ASIC2: variants seen among roughly 807,000 people sequenced by gnomAD.
The protein encoded by ASIC2 is acid sensing ion channel subunit 2, also known as acid-sensing ion channel 2.
Under a neutral mutation model 57.3 loss-of-function variants are expected in ASIC2, and 25 were observed. The observed-to-expected ratio is 0.44, with a 90% CI of 0.32 to 0.61. The LOEUF (loss-of-function observed/expected upper bound fraction) is 0.61, where lower values mean the gene tolerates loss of function less well. ASIC2 is among the 20% of genes least tolerant of loss of function. The probability of loss-of-function intolerance (pLI) is 0.06; values close to 1 mark genes in which losing one functional copy is unlikely to be tolerated. For missense variants in ASIC2, 641 were observed against 738.1 expected (o/e 0.87, Z 1.52); for synonymous variants, 319 against 307.5 (o/e 1.04, Z -0.39).
At chr17:33,146,417 G>A (rs567061908) in intron 1 of ASIC2, among the ~76,000 whole-genome samples, 9 of 152,276 alleles carry the variant, frequency 5.9e-5, no homozygotes, top group African/African-American at 2.2e-4. Flanking sequence ...AGTGGGGTTT[G>A]AAGCCCACTT....
In ASIC2 at chr17:33,467,704, T is replaced by C. The variant is rs150048318; in HGVS notation, c.556-355637A>G. 3.5e-4 allele frequency among the ~76,000 whole-genome samples: 53 copies of C among 152,346 alleles called. No individual in the cohort carries two copies. In the East Asian group the frequency reaches 8.7e-3, roughly 25 times the overall value. On this transcript the variant is annotated intron_variant, in intron 1 of 9. Coordinates refer to the ASIC2 transcript ENST00000359872. ...TCTAAGTCTTTAGAGAATAACTTAA[T>C]TATCTCAATCAATTGCCAATCAGAA... is the stretch of plus-strand genomic sequence containing the variant.
chr17:34,076,593 T>C, intron 1 of ASIC2, among the ~76,000 whole-genome samples: 1 of 152,152 alleles, frequency 6.6e-6, no homozygotes, highest in East Asian at 1.9e-4. Context: ...CATACATAAT[T>C]GTTGTTATGA....
chr17:33,972,676 G>A (rs449522), intron 1 of ASIC2, among the ~76,000 whole-genome samples: 81,608 of 152,158 alleles, frequency 0.54, 22,680 homozygotes, highest in Non-Finnish European at 0.63. Flanking sequence ...CACACATCAC[G>A]CCTTACTAAG....
chr17:34,127,962 A>G (rs1466809187), intron 1 of ASIC2, among the ~76,000 whole-genome samples: 2 of 152,054 alleles, frequency 1.3e-5, no homozygotes, highest in Non-Finnish European at 2.9e-5. Flanking sequence ...TAGCTGTGTG[A>G]CTGTGGGGAA....
intron 1 of ASIC2, among the ~76,000 whole-genome samples, chr17:33,783,006 T>C (rs1446254900): frequency 6.6e-6 from 1 of 152,214 alleles, no homozygotes; most frequent in Non-Finnish European, 1.5e-5. Flanking sequence ...GCTTCTCCCA[T>C]GGCTGGTCCC....
intron 1 of ASIC2, among the ~76,000 whole-genome samples, chr17:34,150,490 C>A (rs1904475023): frequency 6.6e-6 from 1 of 152,060 alleles, no homozygotes; most frequent in African/African-American, 2.4e-5. Context: ...TACTTCAAAG[C>A]AGTGTTGTAC....
chr17:33,336,535 T>G (rs1340421258), intron 1 of ASIC2, among the ~76,000 whole-genome samples: 1 of 152,174 alleles, frequency 6.6e-6, no homozygotes, highest in African/African-American at 2.4e-5. Flanking sequence ...ACCTACTGTA[T>G]GCAAGGTAAT....
In ASIC2 at chr17:33,258,831, T is replaced by C. The variant is rs75569376; in HGVS notation, c.708+32577A>G. Among the ~76,000 whole-genome samples, 691 of 152,316 alleles carry C rather than the reference T, an allele frequency of 4.5e-3. 4 individuals are homozygous for C. Among genetic ancestry groups the C allele is most frequent in the South Asian group, 0.011 (54 of 4,828 alleles). ...AACAAGGGATTTGAACCCAAGACCATCTGGCTTCAAGGCATATGCTCCTAA... is the reference window on the plus strand; with the variant it reads ...AACAAGGGATTTGAACCCAAGACCACCTGGCTTCAAGGCATATGCTCCTAA... On this transcript the variant is annotated intron_variant, in intron 1 of 9. Transcript: ENST00000225823.
intron 1 of ASIC2, among the ~76,000 whole-genome samples, chr17:33,616,381 T>C (rs1035116657): frequency 6.6e-6 from 1 of 152,238 alleles, no homozygotes; most frequent in Non-Finnish European, 1.5e-5. Context: ...GTATACGATA[T>C]ATGCATTCGT....
intron 1 of ASIC2, among the ~76,000 whole-genome samples, chr17:33,651,809 T>A (rs1342331861): frequency 1.3e-5 from 2 of 152,170 alleles, no homozygotes; most frequent in African/African-American, 4.8e-5. Context: ...TGCAGACAGC[T>A]CCTTCAAGCC....
At chr17:33,563,327 C>A (rs555167100) in intron 1 of ASIC2, among the ~76,000 whole-genome samples, 10 of 152,232 alleles carry the variant, frequency 6.6e-5, no homozygotes, top group African/African-American at 2.4e-4. Flanking sequence ...TATTATTTTT[C>A]CTGTGTTATG....
intron 1 of ASIC2, among the ~76,000 whole-genome samples, chr17:33,169,196 C>T (rs1002078898): frequency 3.4e-4 from 52 of 152,240 alleles, no homozygotes; most frequent in African/African-American, 1.3e-3. Context: ...AAGCAATAAG[C>T]CTTGGTAGTG....
Position 33,289,343 on chromosome 17 carries a change from T to C in ASIC2, c.708+2065A>G, listed in dbSNP as rs568973848. ...AATTGACCCACACAACTCATGGCCA[T>C]GCCTGCTGCAGAGGTTGAAGTCAGG... On this transcript the variant is annotated intron_variant, in intron 1 of 9. Transcript: ENST00000225823. 3.9e-5 allele frequency among the ~76,000 whole-genome samples: 6 copies of C among 152,294 alleles called. No homozygotes were observed. In the East Asian group the frequency reaches 1.2e-3, roughly 29 times the overall value.
intron 1 of ASIC2, among the ~76,000 whole-genome samples, chr17:34,101,016 T>TA (rs1276684870): frequency 1.3e-5 from 2 of 152,214 alleles, no homozygotes; most frequent in Non-Finnish European, 2.9e-5. Context: ...ACCTACTTCA[T>TA]AGAGTTTCTG....
intron 1 of ASIC2, among the ~76,000 whole-genome samples, chr17:33,263,489 C>T (rs921678576): frequency 3.3e-5 from 5 of 152,286 alleles, no homozygotes; most frequent in South Asian, 4.1e-4. Flanking sequence ...GGGGAGGAGG[C>T]GCTGGAGCCC....
At chr17:33,767,814 G>T (rs1174196422) in intron 1 of ASIC2, among the ~76,000 whole-genome samples, 1 of 152,118 alleles carries the variant, frequency 6.6e-6, no homozygotes, top group Non-Finnish European at 1.5e-5. Context: ...AAAACTGTTA[G>T]TTAAGGTTGT....
intron 3 of ASIC2, among the ~76,000 whole-genome samples, chr17:33,073,959 G>C (rs1163330717): frequency 1.3e-5 from 2 of 152,110 alleles, no homozygotes; most frequent in African/African-American, 4.8e-5. Context: ...TCTGAGGAGA[G>C]AGAACAACAG....
intron 3 of ASIC2, among the ~76,000 whole-genome samples, chr17:33,065,230 G>T (rs1357563822): frequency 6.6e-6 from 1 of 152,084 alleles, no homozygotes; most frequent in Non-Finnish European, 1.5e-5. Context: ...AGGCTGGAGT[G>T]CAGTGGCACA....
At chr17:33,834,700 A>G (rs974542759) in intron 1 of ASIC2, 2 of 152,228 alleles carry the variant, frequency 1.3e-5, no homozygotes, top group African/African-American at 4.8e-5. Flanking sequence ...TGCTATTTTT[A>G]GAAAGACATT....
Sources: allele counts gnomAD v4.1 joint callset (sites outside exome capture counted in the v4.1 genomes callset), GRCh38; gene constraint gnomAD v4.1.1; transcripts MANE v1.5; gene names NCBI Gene and HGNC (gene_info 2026-07-23, HGNC 2026-07-21).